Variants in KCNIP4 observed in about 807,000 individuals in gnomAD.
The protein encoded by KCNIP4 is potassium voltage-gated channel interacting protein 4.
In KCNIP4, 12 loss-of-function variants were observed where a neutral mutation model predicts 34.0. That is an observed-to-expected ratio of 0.35 (90% CI 0.23 to 0.57). KCNIP4 has a LOEUF of 0.57. Ranked by LOEUF, KCNIP4 falls within the 20% of genes least tolerant of loss-of-function variation. The pLI, the probability that KCNIP4 is intolerant of heterozygous loss-of-function variation, is 0.83. For synonymous variants in KCNIP4, 124 were observed against 102.2 expected (o/e 1.21, Z -1.29); for missense variants, 238 against 311.7 (o/e 0.76, Z 1.78).
chr4:21,640,588 G>GCCAA lies in KCNIP4; in HGVS notation c.61+307979_61+307982dup, dbSNP rs371197288. Among the ~76,000 whole-genome samples the GCCAA allele has an allele frequency of 3.3e-3, 496 of 152,074 alleles. 4 individuals carry two copies. Among genetic ancestry groups the GCCAA allele is most frequent in the African/African-American group, 0.01 (423 of 41,504 alleles). On this transcript the variant is annotated intron_variant, in intron 1 of 8. Transcript: ENST00000382152. Reference sequence around the variant, plus strand: ...GGGCCAGCTTCTGATCCATGTTCCAGCCAACCAACCAACCAACCAACCAAC... The same window carrying GCCAA: ...GGGCCAGCTTCTGATCCATGTTCCAGCCAACCAACCAACCAACCAACCAACCAAC...
intron 2 of KCNIP4, among the ~76,000 whole-genome samples, chr4:20,854,112 C>G (rs1302616894): frequency 6.6e-6 from 1 of 152,134 alleles, no homozygotes; most frequent in Non-Finnish European, 1.5e-5. Context: ...AGTAGAACTA[C>G]CATTTGATCT....
At chr4:21,044,678 C>T (rs949656227) in intron 1 of KCNIP4, among the ~76,000 whole-genome samples, 2 of 152,174 alleles carry the variant, frequency 1.3e-5, no homozygotes, top group Non-Finnish European at 2.9e-5. Context: ...CAACCACCTA[C>T]CCTACCAGTA....
At chr4:21,286,748 A>T (rs553993499) in intron 1 of KCNIP4, among the ~76,000 whole-genome samples, 1 of 152,324 alleles carries the variant, frequency 6.6e-6, no homozygotes, top group South Asian at 2.1e-4. Flanking sequence ...TGTTGATAAG[A>T]GAATTGAGAT....
chr4:21,491,489 C>G (rs940065621), intron 1 of KCNIP4, among the ~76,000 whole-genome samples: 1 of 152,138 alleles, frequency 6.6e-6, no homozygotes, highest in African/African-American at 2.4e-5. Context: ...ATCCTTCTGC[C>G]TCAGCCTCTC....
intron 1 of KCNIP4, among the ~76,000 whole-genome samples, chr4:21,073,294 C>T (rs903857776): frequency 6.6e-6 from 1 of 152,054 alleles, no homozygotes; most frequent in African/African-American, 2.4e-5. Flanking sequence ...AATGTTCTTC[C>T]ATTATTTGTA....
At position 21,337,844 on chromosome 4, in the gene KCNIP4, A is replaced by T. The variant is rs74358144; in HGVS notation, c.62-455135T>A. Among the ~76,000 whole-genome samples the T allele has an allele frequency of 1.7e-4, 26 of 152,264 alleles. No homozygotes were observed. In the East Asian group the frequency reaches 4.8e-3, roughly 28 times the overall value. ...TATTAATTTAAGCAAGTTATTTAAG[A>T]TCAGTTTGTTAGCATTAGGATTGCG... On this transcript the variant is annotated intron_variant, in intron 1 of 8. Transcript: ENST00000382152.
At chr4:20,967,041 C>A (rs1734420369) in intron 1 of KCNIP4, among the ~76,000 whole-genome samples, 1 of 152,064 alleles carries the variant, frequency 6.6e-6, no homozygotes, top group Non-Finnish European at 1.5e-5. Context: ...CTCAGTGTGT[C>A]CTAACCTTAG....
intron 1 of KCNIP4, among the ~76,000 whole-genome samples, chr4:21,918,409 A>G (rs993992561): frequency 6.6e-6 from 1 of 152,112 alleles, no homozygotes; most frequent in Non-Finnish European, 1.5e-5. Flanking sequence ...TTCCATGCAC[A>G]TCGTATTAGA....
chr4:20,883,194 C>T (rs1375796641), intron 1 of KCNIP4, among the ~76,000 whole-genome samples: 1 of 152,160 alleles, frequency 6.6e-6, no homozygotes, highest in Non-Finnish European at 1.5e-5. Flanking sequence ...ACACCACAAT[C>T]ACCTGTTAGT....
intron 1 of KCNIP4, among the ~76,000 whole-genome samples, chr4:21,726,284 C>T (rs1334185371): frequency 6.6e-6 from 1 of 152,106 alleles, no homozygotes; most frequent in Non-Finnish European, 1.5e-5. Context: ...GCAGTTGTTC[C>T]CTCAGTAGCC....
chr4:20,785,728 G>T (rs1032832418), intron 3 of KCNIP4, among the ~76,000 whole-genome samples: 5 of 152,020 alleles, frequency 3.3e-5, no homozygotes, highest in Non-Finnish European at 7.4e-5. Flanking sequence ...AGTAATTAAT[G>T]ATTTTTAAAA....
chr4:21,168,908 T>C (rs1450834895), intron 1 of KCNIP4, among the ~76,000 whole-genome samples: 2 of 152,130 alleles, frequency 1.3e-5, no homozygotes, highest in African/African-American at 4.8e-5. Context: ...CCTCTCAGTA[T>C]CTCGAAGCAT....
At chr4:21,291,883 G>T (rs371196894) in intron 1 of KCNIP4, among the ~76,000 whole-genome samples, 1 of 21,520 alleles carries the variant, frequency 4.6e-5, no homozygotes, top group African/African-American at 3.4e-4. Context: ...AAGAAAGAAA[G>T]AAAGAAAGAA....
At chr4:21,771,046 G>A (rs569686679) in intron 1 of KCNIP4, among the ~76,000 whole-genome samples, 41 of 152,228 alleles carry the variant, frequency 2.7e-4, no homozygotes, top group Non-Finnish European at 1.9e-4. Flanking sequence ...TATTGCCTAG[G>A]TTTTCTTCTA....
intron 1 of KCNIP4, among the ~76,000 whole-genome samples, chr4:21,249,559 T>G (rs1203602638): frequency 6.6e-6 from 1 of 152,066 alleles, no homozygotes; most frequent in Admixed American, 6.6e-5. Flanking sequence ...AATGAAATAA[T>G]GTATATCAAG....
intron 1 of KCNIP4, among the ~76,000 whole-genome samples, chr4:20,926,630 A>G (rs1267545935): frequency 6.6e-6 from 1 of 152,190 alleles, no homozygotes; most frequent in Admixed American, 6.5e-5. Context: ...TATAAGGTTC[A>G]TTTCTTAAGT....
rs575902732 is a variant in KCNIP4 at position 21,175,956 on chromosome 4, G to GT, written c.62-293248dup. 7.3e-3 allele frequency among the ~76,000 whole-genome samples: 1,095 copies of GT among 150,938 alleles called. 19 individuals carry two copies. The highest frequency in any genetic ancestry group is 0.025 in the African/African-American group (1,018 of 41,158). On this transcript the variant is annotated intron_variant, in intron 1 of 8. Transcript: ENST00000382152. ...ATCCCAGAGTTTAAAACTCCCATTT[G>GT]TTTTTTTTTAGAGTTGTGTTCACCC... is the stretch of plus-strand genomic sequence containing the variant.
rs146713018 is a variant in KCNIP4 at position 20,782,814 on chromosome 4, G to A, written c.289-23924C>T. On this transcript the variant is annotated intron_variant, in intron 3 of 8. Coordinates refer to ENST00000382152, the MANE Select transcript of KCNIP4 (RefSeq NM_025221.6). The stretch of plus-strand genomic sequence containing the variant: ...CTCCTCATTACTTATGCAAATATAT[G>A]CAGCTGACTTGAATTTCTGCTCAGA... 2.0e-3 allele frequency among the ~76,000 whole-genome samples: 297 copies of A among 152,240 alleles called. 3 individuals are homozygous for A. The East Asian group carries it at 0.049, about 25-fold the overall frequency.
In KCNIP4 at chr4:21,905,195, C is replaced by T. The variant is rs115887583; in HGVS notation, c.61+43376G>A. ...GACCTTGGGTATAAGGTGATGCTGGCATCCTGCTCTGCCTGACCTCCTTCT... is the reference window on the plus strand; with the variant it reads ...GACCTTGGGTATAAGGTGATGCTGGTATCCTGCTCTGCCTGACCTCCTTCT... On this transcript the variant is annotated intron_variant, in intron 1 of 8. Transcript: ENST00000382152. Among the ~76,000 whole-genome samples the T allele has an allele frequency of 5.4e-3, 818 of 152,248 alleles. 12 individuals carry two copies. The highest frequency in any genetic ancestry group is 0.019 in the African/African-American group (782 of 41,560).
Sources: gnomAD v4.1 joint callset for allele counts (sites outside exome capture counted in the v4.1 genomes callset) on GRCh38, gnomAD v4.1.1 for gene constraint, MANE v1.5 for transcripts, NCBI Gene and HGNC (gene_info 2026-07-23, HGNC 2026-07-21) for gene names.